Variants in TACR1 observed in about 807,000 individuals in gnomAD.
The protein encoded by TACR1 is tachykinin receptor 1, also known as substance-P receptor.
A neutral mutation model predicts 35.8 loss-of-function variants in TACR1; 25 were observed. That is an observed-to-expected ratio of 0.70 (90% CI 0.51 to 0.98). TACR1 has a LOEUF of 0.98. Among genes scored for constraint, TACR1 ranks in the 50% least tolerant of loss-of-function variants. The pLI, the probability that TACR1 is intolerant of heterozygous loss-of-function variation, is 0.00. For synonymous variants in TACR1, 195 were observed against 206.7 expected (o/e 0.94, Z 0.48); for missense variants, 478 against 522.9 (o/e 0.91, Z 0.84).
intron 2 of TACR1, among the ~76,000 whole-genome samples, chr2:75,056,325 C>T (rs1316636986): frequency 3.9e-5 from 6 of 152,182 alleles, no homozygotes; most frequent in African/African-American, 7.2e-5. Context: ...GAAACAAAGC[C>T]CATACTTCCA....
chr2:75,194,873 G>A (rs1338124586), intron 1 of TACR1, among the ~76,000 whole-genome samples: 1 of 152,182 alleles, frequency 6.6e-6, no homozygotes, highest in East Asian at 1.9e-4. Context: ...CTGTTGCTAT[G>A]TGCATGGTTT....
intron 2 of TACR1, among the ~76,000 whole-genome samples, chr2:75,107,964 ATG>A (rs10554277): frequency 0.47 from 71,420 of 151,604 alleles, 17,723 homozygotes; most frequent in Non-Finnish European, 0.55. Context: ...GTATAATTGT[ATG>A]TTATTAAATT....
chr2:75,049,423 C>G lies in TACR1; in HGVS notation c.*9G>C. The G allele has an allele frequency of 6.2e-7, 1 of 1,606,056 alleles. No individual in the cohort carries two copies. On this transcript the variant is annotated 3_prime_UTR_variant, in exon 5 of 5. Coordinates refer to ENST00000305249, the MANE Select transcript of TACR1 (RefSeq NM_001058.4). ...CAGTGGGGGCTGCACCTGCCAAAGG[C>G]CCTGTGGCCTAGGAGAGCACATTGG...
intron 2 of TACR1, among the ~76,000 whole-genome samples, chr2:75,054,879 G>A (rs1359133381): frequency 1.3e-5 from 2 of 152,094 alleles, no homozygotes; most frequent in African/African-American, 2.4e-5. Context: ...TTGATGAAAA[G>A]CACAAAGCCA....
At position 75,051,384 on chromosome 2, in the gene TACR1, A is replaced by C; in HGVS notation, c.799T>G (p.Phe267Val). The C allele has an allele frequency of 6.2e-7, 1 of 1,614,192 alleles. No homozygotes were observed. The highest frequency in any genetic ancestry group is 1.1e-5 in the South Asian group (1 of 91,074). Residue 267 changes from phenylalanine to valine, a missense_variant, in exon 4 of 5, where the codon TTC becomes GTC. Phe to Val is a conservative substitution (Grantham distance 50). Transcript: ENST00000305249. ...GGGTTGATGTAGGGCAGGAGGAAGAAGATGTGGAAGGGCAGCCAGCAGATG... is the reference window on the plus strand; with the variant it reads ...GGGTTGATGTAGGGCAGGAGGAAGACGATGTGGAAGGGCAGCCAGCAGATG... ...FAICWLPFHI[F>V]FLLPYINPDL...
chr2:75,072,039 C>T (rs1672892635), intron 2 of TACR1, among the ~76,000 whole-genome samples: 1 of 152,068 alleles, frequency 6.6e-6, no homozygotes, highest in Admixed American at 6.5e-5. Context: ...TAAGGAGGGA[C>T]TGGAGGAGTG....
At chr2:75,147,275 A>G (rs1674533402) in intron 1 of TACR1, among the ~76,000 whole-genome samples, 2 of 152,114 alleles carry the variant, frequency 1.3e-5, no homozygotes, top group Admixed American at 6.5e-5. Flanking sequence ...CTTTACTCCT[A>G]TTGTGTGGCC....
At chr2:75,123,570 A>G (rs1361750797) in intron 1 of TACR1, among the ~76,000 whole-genome samples, 4 of 152,176 alleles carry the variant, frequency 2.6e-5, no homozygotes, top group Non-Finnish European at 5.9e-5. Context: ...TGTAGGAGCC[A>G]TTTTAGTGGC....
At chr2:75,080,442 A>T (rs903915683) in intron 2 of TACR1, among the ~76,000 whole-genome samples, 2 of 152,188 alleles carry the variant, frequency 1.3e-5, no homozygotes, top group Non-Finnish European at 2.9e-5. Context: ...TTTTATTCCC[A>T]CAATCACTGT....
intron 1 of TACR1, among the ~76,000 whole-genome samples, chr2:75,140,178 T>A (rs1179069958): frequency 6.6e-6 from 1 of 152,146 alleles, no homozygotes. Context: ...CAAAGTAGCC[T>A]CCTTTCCTTA....
intron 1 of TACR1, among the ~76,000 whole-genome samples, chr2:75,125,839 A>G (rs2103919346): frequency 6.6e-6 from 1 of 152,296 alleles, no homozygotes; most frequent in Admixed American, 6.5e-5. Flanking sequence ...TTAAGCCCCT[A>G]AATAGAGCCT....
At chr2:75,172,320 G>A (rs1675306154) in intron 1 of TACR1, among the ~76,000 whole-genome samples, 1 of 152,184 alleles carries the variant, frequency 6.6e-6, no homozygotes, top group African/African-American at 2.4e-5. Context: ...AACCTAGAAA[G>A]TGTTAATTTT....
intron 2 of TACR1, among the ~76,000 whole-genome samples, chr2:75,119,809 T>C (rs991864069): frequency 6.6e-6 from 1 of 152,186 alleles, no homozygotes; most frequent in Admixed American, 6.5e-5. Context: ...GTTTTGGTCT[T>C]CCGCAAAGGG....
intron 1 of TACR1, among the ~76,000 whole-genome samples, chr2:75,152,132 C>T (rs981051086): frequency 1.1e-4 from 16 of 152,122 alleles, no homozygotes; most frequent in African/African-American, 3.9e-4. Flanking sequence ...AGACTTCGGA[C>T]TGTGGGTTAA....
At chr2:75,085,850 TA>T (rs1211361619) in intron 2 of TACR1, among the ~76,000 whole-genome samples, 1 of 152,234 alleles carries the variant, frequency 6.6e-6, no homozygotes, top group African/African-American at 2.4e-5. Context: ...CCTCATTCCA[TA>T]AACTCATTCT....
intron 2 of TACR1, among the ~76,000 whole-genome samples, chr2:75,084,291 T>A (rs1673149517): frequency 1.3e-5 from 2 of 152,208 alleles, no homozygotes; most frequent in South Asian, 4.1e-4. Flanking sequence ...TTGATCGTGG[T>A]GGATAAGCTT....
chr2:75,159,610 T>C (rs934764533), intron 1 of TACR1, among the ~76,000 whole-genome samples: 3 of 152,202 alleles, frequency 2.0e-5, no homozygotes, highest in Non-Finnish European at 4.4e-5. Context: ...GTACTTTCCT[T>C]AGAAACATGG....
At chr2:75,148,713 C>G (rs561342204) in intron 1 of TACR1, among the ~76,000 whole-genome samples, 2 of 152,262 alleles carry the variant, frequency 1.3e-5, no homozygotes, top group East Asian at 3.9e-4. Flanking sequence ...TGTGCAGAAG[C>G]TCTTTATTTT....
chr2:75,173,278 G>C (rs572437500), intron 1 of TACR1, among the ~76,000 whole-genome samples: 1 of 152,102 alleles, frequency 6.6e-6, no homozygotes, highest in African/African-American at 2.4e-5. Flanking sequence ...TGCAGTTGTA[G>C]GTTTCCATAA....
Sources: gnomAD v4.1 joint callset for allele counts (sites outside exome capture counted in the v4.1 genomes callset) on GRCh38, gnomAD v4.1.1 for gene constraint, MANE v1.5 for transcripts, NCBI Gene and HGNC (gene_info 2026-07-23, HGNC 2026-07-21) for gene names.